EFHD2: variants seen among roughly 807,000 people sequenced by gnomAD.
EFHD2 encodes the protein EF-hand domain-containing protein D2.
In EFHD2, 12 loss-of-function variants were observed where a neutral mutation model predicts 20.3. That is an observed-to-expected ratio of 0.59 (90% confidence interval 0.38 to 0.96). The LOEUF is 0.96. EFHD2 is among the 40% of genes least tolerant of loss of function. EFHD2 has a pLI of 0.00. For missense variants in EFHD2, 250 were observed against 334.3 expected (o/e 0.75, Z 1.97); for synonymous variants, 131 against 143.9 (o/e 0.91, Z 0.64).
chr1:15,420,487 A>G (rs1328808989), intron 1 of EFHD2, among the ~76,000 whole-genome samples: 4 of 152,104 alleles, frequency 2.6e-5, no homozygotes, highest in Admixed American at 6.5e-5. Context: ...GACCAGAGGC[A>G]TACACCACCA....
In EFHD2 at chr1:15,426,082, G is replaced by A. The variant is rs1707869344; in HGVS notation, c.456+64G>A. 3 of 1,481,720 alleles carry A rather than the reference G, an allele frequency of 2.0e-6. No individual in the cohort carries two copies. The highest frequency in any genetic ancestry group is 2.5e-5 in the Admixed American group (1 of 39,592). The allele number at this position is 1,481,720 out of a possible 1,614,324, so 91.8% of individuals were successfully genotyped here. ...TTCACCTGAGGACCTGGTGGCCCGG[G>A]AGAGACCAACCCCCACCCTTTGTCA... On this transcript the variant is annotated intron_variant, in intron 2 of 3. Coordinates refer to ENST00000375980, the MANE Select transcript of EFHD2 (RefSeq NM_024329.6). This position sits in a 1 kb window ranked among gnomAD's most constrained non-coding sequence, Gnocchi z 4.6.
chr1:15,418,999 A>G (rs748388560), intron 1 of EFHD2, among the ~76,000 whole-genome samples: 4 of 152,282 alleles, frequency 2.6e-5, no homozygotes, highest in Admixed American at 1.3e-4. Flanking sequence ...GCACATAGCA[A>G]GTGCTCAGCA....
At chr1:15,427,702 G>A (rs1047456493) in intron 3 of EFHD2, among the ~76,000 whole-genome samples, 1 of 152,188 alleles carries the variant, frequency 6.6e-6, no homozygotes, top group African/African-American at 2.4e-5. Flanking sequence ...CTGCATGCAT[G>A]ACACCCTCCC....
chr1:15,425,528 A>G (rs537607366), intron 1 of EFHD2, among the ~76,000 whole-genome samples: 1 of 152,132 alleles, frequency 6.6e-6, no homozygotes, highest in East Asian at 1.9e-4. Context: ...CCATCTCAAA[A>G]AAAAAAAACC....
intron 1 of EFHD2, among the ~76,000 whole-genome samples, chr1:15,424,245 C>T (rs1707837601): frequency 6.6e-6 from 1 of 152,088 alleles, no homozygotes; most frequent in Non-Finnish European, 1.5e-5. Context: ...CAGCCCCCAT[C>T]TTGTCTTCCT....
intron 1 of EFHD2, among the ~76,000 whole-genome samples, chr1:15,420,404 C>T (rs1379392306): frequency 1.3e-5 from 2 of 152,130 alleles, no homozygotes; most frequent in Non-Finnish European, 2.9e-5. Flanking sequence ...AGCAGTGGCT[C>T]GATCAGGGCT....
intron 1 of EFHD2, among the ~76,000 whole-genome samples, chr1:15,421,369 C>T (rs115397603): frequency 3.3e-4 from 51 of 152,336 alleles, no homozygotes; most frequent in Non-Finnish European, 6.2e-4. Flanking sequence ...GCCTCCTCCA[C>T]GGCTACCTCT....
At chr1:15,428,506 A>G (rs1289766541) in intron 3 of EFHD2, 87 bp from the exon 4 acceptor site, 1 of 1,461,044 alleles carries the variant, frequency 6.8e-7, no homozygotes, top group Non-Finnish European at 9.1e-7. Context: ...CAGAAAAATT[A>G]AAGAAAAAAG....
intron 1 of EFHD2, among the ~76,000 whole-genome samples, chr1:15,424,789 T>G (rs1337441377): frequency 6.6e-6 from 1 of 152,088 alleles, no homozygotes; most frequent in East Asian, 1.9e-4. Context: ...TCCCAGTACC[T>G]AGGGCAAGCT....
At position 15,417,197 on chromosome 1, in the gene EFHD2, G is replaced by A. The variant is rs116836524; in HGVS notation, c.308+6918G>A. Among the ~76,000 whole-genome samples, 1,215 of 152,280 alleles carry A rather than the reference G, an allele frequency of 8.0e-3. 11 individuals carry two copies. Among genetic ancestry groups the A allele is most frequent in the African/African-American group, 0.027 (1,127 of 41,546 alleles). ...CCTCGGCTCAGGCCCCCGCACAGCC[G>A]TCTCCCCACCACTTCCTGAGGTTGA... On this transcript the variant is annotated intron_variant, in intron 1 of 3. Coordinates refer to ENST00000375980, the MANE Select transcript of EFHD2 (RefSeq NM_024329.6).
intron 1 of EFHD2, among the ~76,000 whole-genome samples, chr1:15,418,406 C>T (rs562484368): frequency 0.013 from 1,932 of 148,286 alleles, 53 homozygotes; most frequent in African/African-American, 0.046. Context: ...CCTGGGTTCA[C>T]GCCATTCTCC....
At chr1:15,416,040 C>T (rs1213083819) in intron 1 of EFHD2, among the ~76,000 whole-genome samples, 1 of 152,068 alleles carries the variant, frequency 6.6e-6, no homozygotes, top group Non-Finnish European at 1.5e-5. Flanking sequence ...GAATGCCCTG[C>T]ACCCCTGGGG....
intron 1 of EFHD2, among the ~76,000 whole-genome samples, chr1:15,412,993 G>C (rs940427487): frequency 6.6e-6 from 1 of 152,248 alleles, no homozygotes. Context: ...CAGGGCCCGG[G>C]TGAGGGTGGA....
At position 15,426,102 on chromosome 1, in the gene EFHD2, T is replaced by C. The variant is rs756603044; in HGVS notation, c.456+84T>C. On this transcript the variant is annotated intron_variant, in intron 2 of 3. Transcript: ENST00000375980. The surrounding 1 kb of genome is among the most constrained non-coding windows in gnomAD (Gnocchi z 4.6). Reference sequence around the variant, plus strand: ...CCCGGGAGAGACCAACCCCCACCCTTTGTCAATGAATGAATGACATTGCCA... The same window carrying C: ...CCCGGGAGAGACCAACCCCCACCCTCTGTCAATGAATGAATGACATTGCCA... 18 of 1,374,526 alleles carry C rather than the reference T, an allele frequency of 1.3e-5. No individual in the cohort carries two copies. Among genetic ancestry groups the C allele is most frequent in the Non-Finnish European group, 1.5e-5 (16 of 1,035,738 alleles). 85.1% of individuals were successfully genotyped at this position (1,374,526 alleles called of 1,614,324 possible).
chr1:15,418,337 G>A (rs578206521), intron 1 of EFHD2, among the ~76,000 whole-genome samples: 7 of 110,404 alleles, frequency 6.3e-5, no homozygotes, highest in African/African-American at 1.5e-4. Context: ...ATGGAGTCTC[G>A]CTCTGTCACC....
intron 1 of EFHD2, among the ~76,000 whole-genome samples, chr1:15,421,303 CAT>C (rs1707785901): frequency 6.6e-6 from 1 of 152,206 alleles, no homozygotes; most frequent in African/African-American, 2.4e-5. Context: ...CACTAGACCA[CAT>C]CAGAGCCCAG....
In EFHD2 at chr1:15,427,232, T is replaced by C. The variant is rs1707887108; in HGVS notation, c.539T>C (p.Ile180Thr). The change falls in exon 3 of 4, where the codon ATC becomes ACC. Residue 180 changes from isoleucine (I) to threonine (T), a missense_variant. By Grantham distance (89) the Ile-to-Thr change is moderately conservative. Around this residue, in one of 3 missense-constraint regions of EFHD2, gnomAD observed 100 missense variants for 116.2 expected, o/e 0.86. Coordinates refer to ENST00000375980, the MANE Select transcript of EFHD2 (RefSeq NM_024329.6). Reference sequence around the variant, plus strand: ...TGCGTGCTGGCCCGCCTCTCTGAGATCGACGTCTCCAGTGAGGGTGTCAAG... The same window carrying C: ...TGCGTGCTGGCCCGCCTCTCTGAGACCGACGTCTCCAGTGAGGGTGTCAAG... ...GLCVLARLSE[I>T]DVSSEGVKGA... 6.2e-7 allele frequency: 1 copy of C among 1,609,190 alleles called. No individual in the cohort carries two copies. The highest frequency in any genetic ancestry group is 1.3e-5 in the African/African-American group (1 of 74,882).
intron 1 of EFHD2, among the ~76,000 whole-genome samples, chr1:15,418,787 G>A (rs1455557240): frequency 1.3e-5 from 2 of 152,210 alleles, no homozygotes; most frequent in African/African-American, 4.8e-5. Context: ...GCTGTGTCCT[G>A]ATAGGCATCA....
rs139590578 is a variant in EFHD2, at chr1:15,413,535, G to A, written c.308+3256G>A. ...GATTCAGCAGGTACTTCCTGAGGCTGGAGATCGAGGGGGAAGAGAGGGGAT... is the reference window on the plus strand; with the variant it reads ...GATTCAGCAGGTACTTCCTGAGGCTAGAGATCGAGGGGGAAGAGAGGGGAT... On this transcript the variant is annotated intron_variant, in intron 1 of 3. Coordinates refer to ENST00000375980, the MANE Select transcript of EFHD2 (RefSeq NM_024329.6). This position sits in a 1 kb window ranked among gnomAD's most constrained non-coding sequence, Gnocchi z 4.4. Among the ~76,000 whole-genome samples the A allele has an allele frequency of 2.4e-4, 37 of 152,264 alleles. No homozygotes were observed. The highest frequency in any genetic ancestry group is 3.2e-4 in the Non-Finnish European group (22 of 68,010).
Sources: allele counts gnomAD v4.1 joint callset (sites outside exome capture counted in the v4.1 genomes callset), GRCh38; gene constraint gnomAD v4.1.1; regional missense constraint gnomAD v4.1.1; non-coding constraint Gnocchi (gnomAD v3.1); transcripts MANE v1.5; gene names NCBI Gene and HGNC (gene_info 2026-07-23, HGNC 2026-07-21).